Variants in SLC9B2 observed in about 807,000 individuals in gnomAD.
SLC9B2 encodes solute carrier family 9 member B2.
SLC9B2 carries 39 observed loss-of-function variants against 52.2 expected under a neutral mutation model. That is an observed-to-expected ratio of 0.75 (90% CI 0.58 to 0.98). The LOEUF is 0.98. Among genes scored for constraint, SLC9B2 ranks in the 50% least tolerant of loss-of-function variants. The probability of loss-of-function intolerance (pLI) is 0.00; values close to 1 mark genes in which losing one functional copy is unlikely to be tolerated. For missense variants in SLC9B2, 626 were observed against 637.5 expected, an observed-to-expected ratio of 0.98 and a Z score of 0.19; for synonymous variants, 214 against 227.0, an observed-to-expected ratio of 0.94 and a Z score of 0.51.
intron 4 of SLC9B2, among the ~76,000 whole-genome samples, chr4:103,054,201 T>C (rs1012702386): frequency 6.6e-6 from 1 of 152,074 alleles, no homozygotes; most frequent in Non-Finnish European, 1.5e-5. Context: ...CCCAGGAGAT[T>C]GAGGATGCAG....
At chr4:103,032,605 T>C (rs1404193990) in intron 9 of SLC9B2, among the ~76,000 whole-genome samples, 1 of 152,150 alleles carries the variant, frequency 6.6e-6, no homozygotes, top group Non-Finnish European at 1.5e-5. Flanking sequence ...CAAGATCTTA[T>C]AGCATGCACT....
rs533104263 is a variant in SLC9B2 at position 103,067,086 on chromosome 4, T to C, written c.90+375A>G. The stretch of plus-strand genomic sequence containing the variant: ...AATGCTTGGGTCACATAACATTTTA[T>C]TATGTTTTATAATACTGGGTTTTAA... On this transcript the variant is annotated intron_variant, in intron 2 of 11. Coordinates refer to ENST00000394785, the MANE Select transcript of SLC9B2 (RefSeq NM_178833.7). Among the ~76,000 whole-genome samples the C allele has an allele frequency of 9.1e-4, 139 of 152,276 alleles. 1 individual carries two copies. The highest frequency in any genetic ancestry group is 1.7e-3 in the Non-Finnish European group (117 of 68,016).
At chr4:103,045,819 A>G (rs533026048) in intron 7 of SLC9B2, among the ~76,000 whole-genome samples, 1 of 152,306 alleles carries the variant, frequency 6.6e-6, no homozygotes, top group South Asian at 2.1e-4. Context: ...TAATTGTCTA[A>G]GATAGGACCT....
chr4:103,049,342 G>T (rs529909135), intron 5 of SLC9B2, among the ~76,000 whole-genome samples: 1 of 152,154 alleles, frequency 6.6e-6, no homozygotes, highest in Non-Finnish European at 1.5e-5. Context: ...ACCCAGGCAG[G>T]CTGCTTTCAG....
intron 1 of SLC9B2, among the ~76,000 whole-genome samples, chr4:103,070,595 C>T (rs1419239719): frequency 1.3e-5 from 2 of 152,180 alleles, no homozygotes; most frequent in African/African-American, 4.8e-5. Flanking sequence ...TGCCCGCCAC[C>T]TCGCCTGGCT....
At chr4:103,062,372 T>C (rs1390660100) in intron 3 of SLC9B2, among the ~76,000 whole-genome samples, 1 of 149,588 alleles carries the variant, frequency 6.7e-6, no homozygotes, top group Non-Finnish European at 1.5e-5. Context: ...TGAGCCGAGA[T>C]CGAGCCATTG....
At chr4:103,051,262 C>A (rs963282153) in intron 4 of SLC9B2, among the ~76,000 whole-genome samples, 2 of 152,174 alleles carry the variant, frequency 1.3e-5, no homozygotes, top group African/African-American at 2.4e-5. Context: ...TTCATTGATA[C>A]CACATGCCCA....
At chr4:103,019,830 TTCTG>T (rs1741666335), downstream of SLC9B2, 4 of 985,574 alleles carry the variant, frequency 4.1e-6, no homozygotes, top group South Asian at 1.4e-4. Flanking sequence ...CTGGTGTGTT[TTCTG>T]TCTATTGAAC....
intron 4 of SLC9B2, 75 bp downstream of exon 4, chr4:103,057,726 T>A (rs1459058899): frequency 6.1e-6 from 9 of 1,482,020 alleles, no homozygotes; most frequent in Non-Finnish European, 7.3e-6. Context: ...ATTCCTTTAT[T>A]TCCCAAAGCT....
chr4:103,062,240 G>A (rs1397966105), intron 3 of SLC9B2, among the ~76,000 whole-genome samples: 1 of 152,056 alleles, frequency 6.6e-6, no homozygotes, highest in African/African-American at 2.4e-5. Flanking sequence ...GACCAACATG[G>A]TGAAACCCCG....
chr4:103,054,662 G>A (rs1474411526), intron 4 of SLC9B2, among the ~76,000 whole-genome samples: 1 of 152,140 alleles, frequency 6.6e-6, no homozygotes. Flanking sequence ...GAATTAGTCT[G>A]CCCACCCTTT....
At chr4:103,042,120 T>C (rs1279569889) in intron 9 of SLC9B2, 1 of 152,132 alleles carries the variant, frequency 6.6e-6, no homozygotes, top group Admixed American at 6.5e-5. Context: ...ATGAATGTTA[T>C]TTACCCACAG....
At position 103,047,102 on chromosome 4, in the gene SLC9B2, T is replaced by C; in HGVS notation, c.838A>G (p.Ile280Val). 1 of 1,614,084 alleles carries C rather than the reference T, an allele frequency of 6.2e-7. No individual in the cohort carries two copies. Among genetic ancestry groups the C allele is most frequent in the Non-Finnish European group, 8.5e-7 (1 of 1,179,964 alleles). The part of the protein sequence containing the change: ...LLMAAGSFDD[I>V]LAITGFNTCL... ...GTGTTGAAGCCAGTGATGGCCAGAA[T>C]GTCATCGAAGCTGCCAGCTGCCATG... Residue 280 changes from isoleucine (I) to valine (V), a missense_variant, in exon 7 of 12, where the codon ATT (isoleucine) becomes GTT (valine). Ile to Val is a conservative substitution (Grantham distance 29). Transcript: ENST00000394785.
downstream of SLC9B2, chr4:103,019,626 G>A (rs1741646149): frequency 1.0e-6 from 1 of 985,504 alleles, no homozygotes; most frequent in Non-Finnish European, 1.2e-6. Flanking sequence ...GCCCTCGCTG[G>A]CCCGGGAGCG....
At chr4:103,047,340 T>G (rs1004479844) in intron 6 of SLC9B2, 114 bp from the exon 7 acceptor site, 1 of 943,222 alleles carries the variant, frequency 1.1e-6, no homozygotes, top group Admixed American at 3.1e-5. Context: ...GTCTTTCTTT[T>G]TTTTTTTCTA....
intron 4 of SLC9B2, among the ~76,000 whole-genome samples, chr4:103,050,897 C>G (rs1425525544): frequency 6.6e-6 from 1 of 152,204 alleles, no homozygotes; most frequent in Non-Finnish European, 1.5e-5. Flanking sequence ...CAGCTGGTGA[C>G]TCTTCTTTCA....
In SLC9B2 at chr4:103,025,824, T is replaced by C. The variant is rs1279778812; in HGVS notation, c.*546A>G. On this transcript the variant is annotated 3_prime_UTR_variant, in exon 12 of 12. Coordinates refer to ENST00000394785, the MANE Select transcript of SLC9B2 (RefSeq NM_178833.7). ...AGATACTTCATGTACTTTAAAATTT[T>C]GGTGGGACCAATCAGTTACAGTAAT... The C allele has an allele frequency of 6.6e-6, 1 of 152,236 alleles. No individual in the cohort carries two copies. The highest frequency in any genetic ancestry group is 2.4e-5 in the African/African-American group (1 of 41,442). 9.4% of individuals were successfully genotyped at this position (152,236 alleles called of 1,614,324 possible). A position where few individuals can be genotyped will look rare whatever the true frequency, so the allele number is the denominator to read the frequency against.
intron 1 of SLC9B2, among the ~76,000 whole-genome samples, chr4:103,073,533 G>A (rs1400263090): frequency 1.3e-5 from 2 of 152,178 alleles, no homozygotes; most frequent in Non-Finnish European, 2.9e-5. Context: ...ATGACTAACA[G>A]TGTTTCCCTG....
chr4:103,075,438 T>TAGGCACA (rs2110681033), intron 1 of SLC9B2, among the ~76,000 whole-genome samples: 1 of 152,358 alleles, frequency 6.6e-6, no homozygotes, highest in East Asian at 1.9e-4. Flanking sequence ...TCTGGTGTGA[T>TAGGCACA]AGGCACAAGA....
Sources: gnomAD v4.1 joint callset for allele counts (sites outside exome capture counted in the v4.1 genomes callset) on GRCh38, gnomAD v4.1.1 for gene constraint, MANE v1.5 for transcripts, NCBI Gene and HGNC (gene_info 2026-07-23, HGNC 2026-07-21) for gene names.